The following NME9 variants were observed in gnomAD, a reference collection of about 807,000 sequenced individuals.
NME9 encodes thioredoxin domain-containing protein 6.
In NME9, 48 loss-of-function variants were observed where a neutral mutation model predicts 44.4. The ratio of observed to expected loss-of-function variants is 1.08; its 90% confidence interval spans 0.86 to 1.37. The LOEUF is 1.37. NME9 is among the 40% of genes most tolerant of loss of function. NME9 has a pLI of 0.00. For missense variants in NME9, 325 were observed against 405.2 expected (o/e 0.80, Z 1.70); for synonymous variants, 139 against 147.1 (o/e 0.94, Z 0.40).
At chr3:138,314,518 A>G (rs1349056029) in intron 5 of NME9, 111 bp from the exon 6 acceptor site, 2 of 669,690 alleles carry the variant, frequency 3.0e-6, no homozygotes, top group Non-Finnish European at 5.1e-6. Context: ...CACAGAGAAA[A>G]AAATGTCAAA....
intron 8 of NME9, among the ~76,000 whole-genome samples, chr3:138,288,368 G>A (rs939157198): frequency 1.3e-5 from 2 of 152,204 alleles, no homozygotes; most frequent in Non-Finnish European, 2.9e-5. Context: ...AGCCTAAGTC[G>A]AAAGCATAGA....
chr3:138,328,149 G>C (rs2053908424), intron 1 of NME9, among the ~76,000 whole-genome samples: 1 of 152,166 alleles, frequency 6.6e-6, no homozygotes, highest in African/African-American at 2.4e-5. Context: ...AGTGGCTTCT[G>C]ACTCTAGAAT....
At chr3:138,298,148 T>G (rs895305172), downstream of NME9, 1 of 152,250 alleles carries the variant, frequency 6.6e-6, no homozygotes, top group Non-Finnish European at 1.5e-5. Flanking sequence ...CATGGTATTG[T>G]GTCTACACCC....
intron 6 of NME9, among the ~76,000 whole-genome samples, chr3:138,307,705 C>A (rs1240876864): frequency 2.0e-5 from 3 of 152,188 alleles, no homozygotes; most frequent in African/African-American, 4.8e-5. Context: ...AAAGCAGGGG[C>A]CTGGGGTGCT....
intron 6 of NME9, among the ~76,000 whole-genome samples, chr3:138,310,125 C>T (rs2052592540): frequency 6.6e-6 from 1 of 151,860 alleles, no homozygotes; most frequent in Admixed American, 6.6e-5. Flanking sequence ...AAAAGATATT[C>T]ATTGCAAGTG....
At chr3:138,273,875 G>A (rs1018521691) in intron 8 of NME9, among the ~76,000 whole-genome samples, 1 of 151,138 alleles carries the variant, frequency 6.6e-6, no homozygotes, top group African/African-American at 2.4e-5. Context: ...GGAGTGCAGT[G>A]GCACAGTCTC....
intron 8 of NME9, chr3:138,287,890 C>T (rs559352123): frequency 3.8e-6 from 1 of 265,412 alleles, no homozygotes; most frequent in South Asian, 4.3e-5. Flanking sequence ...GGACAATCAT[C>T]TATAAAGTTT....
downstream of NME9, chr3:138,298,044 ATT>A (rs2108418061): frequency 6.6e-6 from 1 of 152,346 alleles, no homozygotes; most frequent in African/African-American, 2.4e-5. Flanking sequence ...AACTTTTCTG[ATT>A]TGAATGAAGG....
intron 8 of NME9, chr3:138,264,343 C>A: frequency 5.5e-6 from 3 of 549,952 alleles, no homozygotes; most frequent in Non-Finnish European, 6.5e-6. Flanking sequence ...TTTATCTCCT[C>A]AAATCTGATA....
rs570417216 is a variant in NME9 at position 138,310,676 on chromosome 3, G to A, written c.460+3656C>T. 2.0e-5 allele frequency among the ~76,000 whole-genome samples: 3 copies of A among 151,996 alleles called. No individual in the cohort carries two copies. The East Asian group carries it at 5.8e-4, about 29-fold the overall frequency. On this transcript the variant is annotated intron_variant, in intron 6 of 10. Coordinates refer to ENST00000333911, the MANE Select transcript of NME9 (RefSeq NM_001349018.2). ...ACTCATGAACAACAAATGCATCAGA[G>A]AATAAATTAAAAAGGGAAATTTTTA...
intron 6 of NME9, among the ~76,000 whole-genome samples, chr3:138,313,946 G>A (rs1213412848): frequency 6.6e-6 from 1 of 152,160 alleles, no homozygotes; most frequent in Non-Finnish European, 1.5e-5. Flanking sequence ...TGATTAATAG[G>A]TACAATCTAC....
intron 6 of NME9, among the ~76,000 whole-genome samples, chr3:138,311,940 A>C (rs990346750): frequency 1.3e-5 from 2 of 152,236 alleles, no homozygotes; most frequent in Non-Finnish European, 2.9e-5. Flanking sequence ...CAACATACAA[A>C]AACCCGTAGC....
chr3:138,299,915 C>T (rs540029021), downstream of NME9, among the ~76,000 whole-genome samples: 44 of 152,276 alleles, frequency 2.9e-4, no homozygotes, highest in South Asian at 8.3e-4. Flanking sequence ...CAGCTGGGTG[C>T]ACCCCCTCCA....
intron 8 of NME9, among the ~76,000 whole-genome samples, chr3:138,277,875 A>G (rs1387911035): frequency 6.6e-6 from 1 of 152,194 alleles, no homozygotes; most frequent in African/African-American, 2.4e-5. Context: ...ACATCCCTCA[A>G]CAAACTATGG....
At chr3:138,314,000 G>A (rs1273775558) in intron 6 of NME9, among the ~76,000 whole-genome samples, 1 of 152,108 alleles carries the variant, frequency 6.6e-6, no homozygotes, top group East Asian at 1.9e-4. Flanking sequence ...GAAATCAGTA[G>A]GGTGAATATA....
chr3:138,316,982 C>G (rs2053132908), intron 4 of NME9, among the ~76,000 whole-genome samples: 1 of 152,140 alleles, frequency 6.6e-6, no homozygotes, highest in Non-Finnish European at 1.5e-5. Flanking sequence ...TAGAGTGGGT[C>G]CTCCTTCCAT....
At chr3:138,320,244 A>G (rs2053378733) in intron 2 of NME9, among the ~76,000 whole-genome samples, 1 of 152,218 alleles carries the variant, frequency 6.6e-6, no homozygotes, top group African/African-American at 2.4e-5. Context: ...GAAGCTAAGC[A>G]AACCAAGCCA....
chr3:138,278,622 C>A (rs1325092971), intron 8 of NME9, among the ~76,000 whole-genome samples: 2 of 152,014 alleles, frequency 1.3e-5, no homozygotes, highest in African/African-American at 2.4e-5. Context: ...GGATTTCGAT[C>A]GTATTGTATT....
At chr3:138,292,292 G>A (rs1358900310) in intron 8 of NME9, among the ~76,000 whole-genome samples, 3 of 152,018 alleles carry the variant, frequency 2.0e-5, no homozygotes, top group African/African-American at 4.8e-5. Context: ...CACCCACCTC[G>A]GCTTCCCAAA....
Sources: allele counts gnomAD v4.1 joint callset (sites outside exome capture counted in the v4.1 genomes callset), GRCh38; gene constraint gnomAD v4.1.1; transcripts MANE v1.5; gene names NCBI Gene and HGNC (gene_info 2026-07-23, HGNC 2026-07-21).